The following DNAH14 variants were observed in gnomAD, a reference collection of about 807,000 sequenced individuals.
DNAH14 encodes axonemal beta dynein heavy chain 14.
A neutral mutation model predicts 520.9 loss-of-function variants in DNAH14; 478 were observed. The observed-to-expected ratio is 0.92, with a 90% CI of 0.85 to 0.99. DNAH14 has a LOEUF of 0.99. Ranked by LOEUF, DNAH14 falls within the 50% of genes least tolerant of loss-of-function variation. The pLI is 0.00. For missense variants in DNAH14, 4,831 were observed against 5,234.5 expected (o/e 0.92, Z 2.38); for synonymous variants, 1,581 against 1,757.2 (o/e 0.90, Z 2.51).
Position 225,100,811 on chromosome 1 carries a change from C to T in DNAH14, c.3794C>T (p.Thr1265Ile). ...AACAAACAGAATGCTTTGCAGATAA[C>T]CACTTCTGCAGGAGTCCTTGAAATT... ...IQNKQNALQI[T>I]TSAGVLEILQ... Residue 1265 changes from threonine (T) to isoleucine (I), a missense_variant, in exon 23 of 86, where the codon ACC becomes ATC. Transcript: ENST00000682510. The T allele has an allele frequency of 1.3e-6, 2 of 1,537,346 alleles. No individual in the cohort carries two copies. Among genetic ancestry groups the T allele is most frequent in the Non-Finnish European group, 1.8e-6 (2 of 1,142,138 alleles).
rs555404118 is a variant in DNAH14, at chr1:225,001,901, A to G, written c.831-882A>G. The stretch of plus-strand genomic sequence containing the variant: ...AGTAGTTTTATGTTATGTGAGGCTT[A>G]TATAATTGGGGAGGGTTCTTTAAGA... On this transcript the variant is annotated intron_variant, in intron 8 of 85. Transcript: ENST00000682510. Among the ~76,000 whole-genome samples, 3 of 151,950 alleles carry G rather than the reference A, an allele frequency of 2.0e-5. No homozygotes were observed. In the South Asian group the frequency reaches 6.2e-4, roughly 31 times the overall value.
chr1:225,042,870 A>G lies in DNAH14; in HGVS notation c.1524A>G (p.Arg508=), dbSNP rs1172451642. 2 of 1,551,494 alleles carry G rather than the reference A, an allele frequency of 1.3e-6. No individual in the cohort carries two copies. The highest frequency in any genetic ancestry group is 3.9e-5 in the Admixed American group (2 of 50,978). The change falls in exon 13 of 86, where the codon AGA becomes AGG. Residue 508 remains arginine (R), a synonymous_variant. Transcript: ENST00000682510. ...LNSVEVGKDL[R]KTYAPIFEVN... is the part of the protein sequence containing the mutation. ...GTGTTGAAGTGGGGAAGGATTTGAG[A>G]AAAACATATGCACCAATATTTGAAG...
intron 15 of DNAH14, among the ~76,000 whole-genome samples, chr1:225,046,100 TATG>T (rs1302484004): frequency 3.3e-5 from 5 of 151,436 alleles, no homozygotes; most frequent in Admixed American, 6.6e-5. Flanking sequence ...TTTGCATATA[TATG>T]ATAATATGTA....
At chr1:225,293,432 C>G (rs2093936409) in intron 55 of DNAH14, among the ~76,000 whole-genome samples, 1 of 152,124 alleles carries the variant, frequency 6.6e-6, no homozygotes, top group African/African-American at 2.4e-5. Flanking sequence ...AAATGTTCAT[C>G]AGTGACAGGC....
chr1:225,387,138 C>G (rs942462360), intron 81 of DNAH14, among the ~76,000 whole-genome samples: 3 of 151,730 alleles, frequency 2.0e-5, no homozygotes, highest in Admixed American at 2.0e-4. Context: ...ATTGCAAGGA[C>G]AGAAAACCAA....
rs148567207 is a variant in DNAH14 at position 225,195,491 on chromosome 1, C to T, written c.5886+2580C>T. On this transcript the variant is annotated intron_variant, in intron 38 of 85. Coordinates refer to ENST00000682510, the MANE Select transcript of DNAH14 (RefSeq NM_001367479.1). The stretch of plus-strand genomic sequence containing the variant: ...GATACAAAGATGGGAACAATAGACA[C>T]TGGGGCTTACTTGGTGGAGGATGGG... 1.7e-4 allele frequency among the ~76,000 whole-genome samples: 25 copies of T among 147,312 alleles called. No homozygotes were observed. In the East Asian group the frequency reaches 5.6e-3, roughly 33 times the overall value.
chr1:225,329,443 T>G (rs2094748258), intron 64 of DNAH14, among the ~76,000 whole-genome samples: 1 of 152,164 alleles, frequency 6.6e-6, no homozygotes, highest in Admixed American at 6.5e-5. Context: ...AGGCATTAGT[T>G]GATAGCCAAA....
At chr1:224,991,650 A>G (rs1034735724) in intron 8 of DNAH14, among the ~76,000 whole-genome samples, 2 of 150,970 alleles carry the variant, frequency 1.3e-5, no homozygotes, top group Admixed American at 1.3e-4. Flanking sequence ...TAATTTTTGT[A>G]TTTTTCTTTC....
intron 27 of DNAH14, among the ~76,000 whole-genome samples, chr1:225,136,251 A>G (rs970721071): frequency 6.6e-6 from 1 of 152,136 alleles, no homozygotes; most frequent in African/African-American, 2.4e-5. Context: ...TCATAGTGTC[A>G]CTAGTCTGTG....
intron 5 of DNAH14, among the ~76,000 whole-genome samples, chr1:224,965,761 A>G (rs1434898062): frequency 6.6e-6 from 1 of 152,124 alleles, no homozygotes; most frequent in African/African-American, 2.4e-5. Context: ...AAATGGAGAT[A>G]ATAATAGTTA....
chr1:225,007,659 G>A, intron 10 of DNAH14, 115 bp downstream of exon 10: 5 of 847,216 alleles, frequency 5.9e-6, no homozygotes, highest in Non-Finnish European at 6.5e-6. Flanking sequence ...GAACAAAGGT[G>A]GTTAATTAAC....
Position 225,290,050 on chromosome 1 carries a change from G to A in DNAH14, c.8437G>A (p.Val2813Ile), listed in dbSNP as rs1322533954. 2 of 1,494,072 alleles carry A rather than the reference G, an allele frequency of 1.3e-6. No homozygotes were observed. Among genetic ancestry groups the A allele is most frequent in the Non-Finnish European group, 1.8e-6 (2 of 1,118,084 alleles). 92.6% of individuals were successfully genotyped at this position (1,494,072 alleles called of 1,614,324 possible). ...CGCAGGATTAAAAGGGAAACCCACT[G>A]TTCTGATGGTTCCCAATTTAAACAT... ...IHAGLKGKPT[V>I]LMVPNLNIEQ... The change falls in exon 55 of 86, where the codon GTT becomes ATT. Residue 2813 changes from valine to isoleucine, a missense_variant. Val to Ile is a conservative substitution (Grantham distance 29). Transcript: ENST00000682510.
At chr1:225,372,183 T>C (rs923911035) in intron 77 of DNAH14, among the ~76,000 whole-genome samples, 5 of 152,170 alleles carry the variant, frequency 3.3e-5, no homozygotes, top group Non-Finnish European at 2.9e-5. Context: ...AAATTAATAA[T>C]CAGATATAAT....
chr1:225,136,583 T>C (rs1488488120), intron 27 of DNAH14, among the ~76,000 whole-genome samples: 1 of 152,104 alleles, frequency 6.6e-6, no homozygotes, highest in African/African-American at 2.4e-5. Flanking sequence ...GTTGCCTTAA[T>C]TTTTTCTTTC....
intron 17 of DNAH14, among the ~76,000 whole-genome samples, chr1:225,066,993 G>A (rs1226711196): frequency 6.6e-6 from 1 of 152,002 alleles, no homozygotes; most frequent in Non-Finnish European, 1.5e-5. Flanking sequence ...TTAAGTTCAG[G>A]GGAACATGTG....
chr1:225,235,252 G>C (rs1473751014), intron 42 of DNAH14, among the ~76,000 whole-genome samples: 1 of 152,126 alleles, frequency 6.6e-6, no homozygotes, highest in Non-Finnish European at 1.5e-5. Context: ...AAACATGAAA[G>C]GATGTTGAAT....
chr1:224,939,199 T>A (rs2059242551), intron 1 of DNAH14, among the ~76,000 whole-genome samples: 1 of 152,204 alleles, frequency 6.6e-6, no homozygotes, highest in African/African-American at 2.4e-5. Flanking sequence ...TCTCAGCATT[T>A]TGAGGATATT....
intron 8 of DNAH14, among the ~76,000 whole-genome samples, chr1:224,987,037 C>T (rs989657348): frequency 6.6e-6 from 1 of 151,886 alleles, no homozygotes; most frequent in African/African-American, 2.4e-5. Context: ...ATGCCAACAG[C>T]AAATAATCTG....
intron 81 of DNAH14, among the ~76,000 whole-genome samples, chr1:225,381,817 T>C (rs2095787155): frequency 1.3e-5 from 2 of 152,382 alleles, no homozygotes; most frequent in East Asian, 1.9e-4. Context: ...CTATGTATCA[T>C]GGCAGTTCAT....
Sources: gnomAD v4.1 joint callset for allele counts (sites outside exome capture counted in the v4.1 genomes callset) on GRCh38, gnomAD v4.1.1 for gene constraint, MANE v1.5 for transcripts, NCBI Gene and HGNC (gene_info 2026-07-23, HGNC 2026-07-21) for gene names.